Variants in BLVRA observed in about 807,000 individuals in gnomAD.
BLVRA encodes the protein biliverdin reductase A.
A neutral mutation model predicts 32.8 loss-of-function variants in BLVRA; 22 were observed. That is an observed-to-expected ratio of 0.67 (90% confidence interval 0.48 to 0.96). BLVRA has a LOEUF of 0.96. BLVRA is among the 40% of genes least tolerant of loss of function. The pLI is 0.00. For missense variants in BLVRA, 323 were observed against 358.1 expected, an observed-to-expected ratio of 0.90 and a Z score of 0.79; for synonymous variants, 119 against 141.3, an observed-to-expected ratio of 0.84 and a Z score of 1.12.
chr7:43,794,630 G>A (rs936405257), intron 5 of BLVRA, among the ~76,000 whole-genome samples: 1 of 152,076 alleles, frequency 6.6e-6, no homozygotes, highest in Non-Finnish European at 1.5e-5. Flanking sequence ...AGCTACTCAG[G>A]AGGCTGAGGC....
chr7:43,767,119 C>T (rs530148895), intron 1 of BLVRA, among the ~76,000 whole-genome samples: 2 of 152,282 alleles, frequency 1.3e-5, no homozygotes, highest in East Asian at 1.9e-4. Context: ...CACATCCTTT[C>T]GTTTGTTTGT....
At chr7:43,797,782 A>G (rs1266602215) in intron 5 of BLVRA, among the ~76,000 whole-genome samples, 3 of 152,284 alleles carry the variant, frequency 2.0e-5, no homozygotes, top group East Asian at 3.9e-4. Context: ...CAGTTCCTCC[A>G]TCTTTTCTTG....
chr7:43,781,079 G>T (rs2095768710), intron 2 of BLVRA, among the ~76,000 whole-genome samples: 1 of 151,654 alleles, frequency 6.6e-6, no homozygotes, highest in African/African-American at 2.4e-5. Flanking sequence ...GGAGGCAGAG[G>T]TTGCAGTGAG....
At chr7:43,762,829 C>T (rs934536865) in intron 1 of BLVRA, among the ~76,000 whole-genome samples, 6 of 151,950 alleles carry the variant, frequency 3.9e-5, no homozygotes, top group African/African-American at 1.5e-4. Flanking sequence ...CCAGGATGGT[C>T]TCGATCTCTT....
At chr7:43,800,602 T>G in intron 6 of BLVRA, 30 bp downstream of exon 6, 1 of 1,583,746 alleles carries the variant, frequency 6.3e-7, no homozygotes, top group Non-Finnish European at 8.7e-7. Context: ...ACAGGTCACA[T>G]GTGAGGTCCA....
chr7:43,798,143 G>A (rs150638765), intron 5 of BLVRA, among the ~76,000 whole-genome samples: 155 of 125,768 alleles, frequency 1.2e-3, no homozygotes, highest in Middle Eastern at 5.9e-3. Context: ...GCAGTGAGAC[G>A]AGATCGCACC....
intron 7 of BLVRA, 119 bp from the exon 8 acceptor site, chr7:43,806,858 G>A: frequency 1.8e-6 from 2 of 1,130,078 alleles, no homozygotes; most frequent in South Asian, 2.6e-5. Flanking sequence ...GAGGCTGGTG[G>A]CTGCAAGGAG....
chr7:43,798,038 C>G (rs2095794623), intron 5 of BLVRA, among the ~76,000 whole-genome samples: 1 of 150,850 alleles, frequency 6.6e-6, no homozygotes, highest in African/African-American at 2.4e-5. Flanking sequence ...CTGAAAATAT[C>G]AAAAAAATTA....
At position 43,787,799 on chromosome 7, in the gene BLVRA, G is replaced by C. The variant is rs575525285; in HGVS notation, c.13-105G>C. The C allele has an allele frequency of 1.9e-6, 3 of 1,568,322 alleles. No individual in the cohort carries two copies. The South Asian group carries it at 3.3e-5, about 17-fold the overall frequency. Reference sequence around the variant, plus strand: ...TGTGGCTTCCTGTGTGTTTTGGGCTGGCTTCCATCTTGCTCGTCGGGACCC... The same window carrying C: ...TGTGGCTTCCTGTGTGTTTTGGGCTCGCTTCCATCTTGCTCGTCGGGACCC... On this transcript the variant is annotated intron_variant, in intron 2 of 7. Transcript: ENST00000265523. The surrounding 1 kb of genome is among the most constrained non-coding windows in gnomAD (Gnocchi z 4.5).
At chr7:43,778,695 G>T (rs978908515) in intron 2 of BLVRA, among the ~76,000 whole-genome samples, 1 of 152,258 alleles carries the variant, frequency 6.6e-6, no homozygotes, top group Admixed American at 6.5e-5. Context: ...TGTCAGACAG[G>T]AACGTTTAAG....
chr7:43,803,961 G>C, intron 7 of BLVRA, 114 bp downstream of exon 7: 3 of 1,239,696 alleles, frequency 2.4e-6, no homozygotes, highest in Non-Finnish European at 3.5e-6. Flanking sequence ...GCTCCAGAAG[G>C]GCTGTCTGCT....
intron 2 of BLVRA, among the ~76,000 whole-genome samples, chr7:43,776,935 T>G (rs368635561): frequency 2.0e-5 from 3 of 152,188 alleles, no homozygotes; most frequent in East Asian, 1.9e-4. Context: ...TTGGTTTAAA[T>G]TCTGTTTTAT....
chr7:43,791,459 C>A, intron 4 of BLVRA, 91 bp downstream of exon 4: 3 of 1,421,076 alleles, frequency 2.1e-6, no homozygotes, highest in South Asian at 1.2e-5. Flanking sequence ...GCAAAGGAGT[C>A]AGAAGAGCCA....
intron 5 of BLVRA, among the ~76,000 whole-genome samples, chr7:43,798,226 A>AAAAAAAAAT (rs1563550433): frequency 1.4e-5 from 2 of 141,602 alleles, no homozygotes; most frequent in Non-Finnish European, 1.5e-5. Flanking sequence ...AAAAAAAAAA[A>AAAAAAAAAT]GGAAACGATG....
chr7:43,791,679 C>T (rs548669561), intron 4 of BLVRA: 1 of 321,878 alleles, frequency 3.1e-6, no homozygotes, highest in Non-Finnish European at 6.0e-6. Flanking sequence ...GTAGTGGCCT[C>T]CTTCTTCTCA....
chr7:43,770,163 C>T (rs904497354), intron 1 of BLVRA, among the ~76,000 whole-genome samples: 13 of 152,142 alleles, frequency 8.5e-5, no homozygotes, highest in African/African-American at 2.2e-4. Context: ...GAGTGGTCAT[C>T]GTCATCGGCT....
At position 43,767,683 on chromosome 7, in the gene BLVRA, TGAAA is replaced by T. The variant is rs1448224434; in HGVS notation, c.-21-3451_-21-3448del. On this transcript the variant is annotated intron_variant, in intron 1 of 7. Transcript: ENST00000265523. The stretch of plus-strand genomic sequence containing the variant: ...GGGGGACATCTGATTTGAATAAAAT[TGAAA>T]GAACATGTTAAAGTCAGTCTTAAGG... The T allele has an allele frequency of 7.3e-6, 4 of 547,662 alleles. No individual in the cohort carries two copies. The African/African-American group carries it at 7.6e-5, about 10-fold the overall frequency. 33.9% of individuals were successfully genotyped at this position (547,662 alleles called of 1,614,324 possible). A position where few individuals can be genotyped will look rare whatever the true frequency, so the allele number is the denominator to read the frequency against.
chr7:43,801,369 T>G (rs1367430313), intron 6 of BLVRA, among the ~76,000 whole-genome samples: 1 of 152,176 alleles, frequency 6.6e-6, no homozygotes, highest in African/African-American at 2.4e-5. Flanking sequence ...CCGTTAGCAA[T>G]AGGAAATGGG....
intron 3 of BLVRA, 47 bp from the exon 4 acceptor site, chr7:43,791,202 T>G: frequency 6.2e-7 from 1 of 1,612,308 alleles, no homozygotes; most frequent in Non-Finnish European, 8.5e-7. Flanking sequence ...TGGTGCTCCT[T>G]TCTTCTGTCT....
Sources: gnomAD v4.1 joint callset for allele counts (sites outside exome capture counted in the v4.1 genomes callset) on GRCh38, gnomAD v4.1.1 for gene constraint, Gnocchi (gnomAD v3.1) non-coding constraint, MANE v1.5 for transcripts, NCBI Gene and HGNC (gene_info 2026-07-23, HGNC 2026-07-21) for gene names.